The following TTC21A variants were observed in gnomAD, a reference collection of about 807,000 sequenced individuals.
TTC21A encodes the protein tetratricopeptide repeat domain 21A, also known as tetratricopeptide repeat protein 21A.
In TTC21A, 128 loss-of-function variants were observed where a neutral mutation model predicts 156.4. The observed-to-expected ratio is 0.82, with a 90% CI of 0.71 to 0.95. TTC21A has a LOEUF of 0.95. TTC21A is among the 40% of genes least tolerant of loss of function. The probability of loss-of-function intolerance (pLI) is 0.00; values close to 1 mark genes in which losing one functional copy is unlikely to be tolerated. For synonymous variants in TTC21A, 587 were observed against 617.1 expected (o/e 0.95, Z 0.72); for missense variants, 1,435 against 1,602.3 (o/e 0.90, Z 1.78).
At position 39,137,724 on chromosome 3, in the gene TTC21A, C is replaced by T. The variant is rs181250203; in HGVS notation, c.3675+14C>T. 1.6e-5 allele frequency: 26 copies of T among 1,606,156 alleles called. No individual in the cohort carries two copies. Among genetic ancestry groups the T allele is most frequent in the Middle Eastern group, 3.3e-4 (2 of 6,048 alleles). On this transcript the variant is annotated intron_variant, in intron 26 of 28. Transcript: ENST00000683103. ...CAATACAACAAGGCAAGGAGCCACA[C>T]ACACACTAGGGCTGCGGGATGGCGG... is the stretch of plus-strand genomic sequence containing the variant.
At chr3:39,133,006 A>T in intron 19 of TTC21A, 46 bp from the exon 20 acceptor site, 2 of 1,595,550 alleles carry the variant, frequency 1.3e-6, no homozygotes, top group Non-Finnish European at 1.7e-6. Context: ...GTGAACTGGT[A>T]TGTCAGGCTC....
At chr3:39,112,402 T>G in intron 4 of TTC21A, 56 bp from the exon 5 acceptor site, 4 of 1,589,746 alleles carry the variant, frequency 2.5e-6, no homozygotes, top group Non-Finnish European at 3.5e-6. Context: ...ATGTGCAGGC[T>G]GAGTTGATTC....
rs2037473004 is a variant in TTC21A, at chr3:39,118,422, C to T, written c.801+269C>T. 4 of 534,524 alleles carry T rather than the reference C, an allele frequency of 7.5e-6. No homozygotes were observed. The South Asian group carries it at 1.1e-4, about 14-fold the overall frequency. The allele number at this position is 534,524 out of a possible 1,614,324, so 33.1% of individuals were successfully genotyped here. A position where few individuals can be genotyped will look rare whatever the true frequency, so the allele number is the denominator to read the frequency against. On this transcript the variant is annotated intron_variant, in intron 7 of 28. Coordinates refer to ENST00000683103, the MANE Select transcript of TTC21A (RefSeq NM_001366900.1). ...CTGTGGAAGCCTGGGCAGGTGTCCC[C>T]ACCTGGATAAGCCGCAGGCTTCCTG...
At chr3:39,124,742 G>C (rs2038078395) in intron 9 of TTC21A, among the ~76,000 whole-genome samples, 1 of 151,168 alleles carries the variant, frequency 6.6e-6, no homozygotes, top group Non-Finnish European at 1.5e-5. Context: ...AAACCCATTG[G>C]TATGCTCATG....
rs567563700 is a variant in TTC21A at position 39,136,309 on chromosome 3, A to G, written c.2945-48A>G. 8.2e-6 allele frequency: 13 copies of G among 1,578,890 alleles called. No individual in the cohort carries two copies. The South Asian group carries it at 1.5e-4, about 19-fold the overall frequency. ...TAGGGCCCCAGCACCCTCATCTGAT[A>G]ACAGCTACTGGGCATTTCAGCCTGG... On this transcript the variant is annotated intron_variant, in intron 22 of 28. Transcript: ENST00000683103.
At chr3:39,119,789 TG>T (rs1407733660) in intron 7 of TTC21A, 132 bp from the exon 8 acceptor site, 3 of 664,956 alleles carry the variant, frequency 4.5e-6, no homozygotes, top group Middle Eastern at 3.0e-4. Flanking sequence ...TCTGAATTTC[TG>T]GGGGGTTGTG....
rs376417415 is a variant in TTC21A at position 39,136,971 on chromosome 3, C to T, written c.3168C>T (p.Ser1056=). The T allele has an allele frequency of 5.0e-6, 8 of 1,614,110 alleles. No homozygotes were observed. The highest frequency in any genetic ancestry group is 1.1e-5 in the South Asian group (1 of 91,094). Residue 1056 remains serine, a synonymous_variant, in exon 24 of 29, where the codon AGC becomes AGT. Transcript: ENST00000683103. The stretch of plus-strand genomic sequence containing the variant: ...GCAAGGACAGCACTTGGGGCCAGAG[C>T]GCCATCTACCACATGGTGCAGATCT... ...KARKDSTWGQ[S]AIYHMVQICL... is the part of the protein sequence containing the mutation.
chr3:39,109,998 G>A, intron 2 of TTC21A, 31 bp from the exon 3 acceptor site: 1 of 1,527,530 alleles, frequency 6.5e-7, no homozygotes, highest in Non-Finnish European at 9.1e-7. Context: ...CCTGGAGCTT[G>A]AGAGTATAAC....
At chr3:39,135,213 C>T in intron 22 of TTC21A, 39 bp downstream of exon 22, 1 of 1,561,530 alleles carries the variant, frequency 6.4e-7, no homozygotes, top group East Asian at 2.2e-5. Flanking sequence ...CCAGTTCCCA[C>T]TGAGCAAGGG....
rs202013731 is a variant in TTC21A, at chr3:39,121,106, T to C, written c.1010T>C (p.Ile337Thr). The stretch of plus-strand genomic sequence containing the variant: ...GCCACAGAACTGGGCTATCTCTTCA[T>C]CCTGAAGAACCAAGTGAAAGAGGCC... ...HVATELGYLF[I>T]LKNQVKEALL... Residue 337 changes from isoleucine to threonine, a missense_variant, in exon 9 of 29, where the codon ATC (isoleucine) becomes ACC (threonine). Physicochemically the swap from Ile to Thr is moderately conservative, Grantham distance 89 (BLOSUM62 -1). Coordinates refer to ENST00000683103, the MANE Select transcript of TTC21A (RefSeq NM_001366900.1). 77 of 1,613,988 alleles carry C rather than the reference T, an allele frequency of 4.8e-5. No individual in the cohort carries two copies. Among genetic ancestry groups the C allele is most frequent in the Non-Finnish European group, 5.6e-5 (66 of 1,180,010 alleles).
At chr3:39,120,295 C>G (rs983261585) in intron 8 of TTC21A, among the ~76,000 whole-genome samples, 1 of 152,140 alleles carries the variant, frequency 6.6e-6, no homozygotes, top group Non-Finnish European at 1.5e-5. Context: ...TGGGCTGTGC[C>G]TTATTTGGGG....
chr3:39,110,956 G>T lies in TTC21A; in HGVS notation c.374G>T (p.Arg125Leu), dbSNP rs201228284. 2 of 1,613,794 alleles carry T rather than the reference G, an allele frequency of 1.2e-6. No homozygotes were observed. Among genetic ancestry groups the T allele is most frequent in the African/African-American group, 1.3e-5 (1 of 74,916 alleles). The change falls in exon 4 of 29, where the codon CGC (arginine) becomes CTC (leucine). Residue 125 changes from arginine to leucine, a missense_variant. Transcript: ENST00000683103. ...GGCCTTTTCCTCTGGCTCATAGGCCGCCATGACAAGGCCAAAGAGTACATT... is the reference window on the plus strand; with the variant it reads ...GGCCTTTTCCTCTGGCTCATAGGCCTCCATGACAAGGCCAAAGAGTACATT... The part of the protein sequence containing the change: ...YAGLFLWLIG[R>L]HDKAKEYIDR...
intron 26 of TTC21A, among the ~76,000 whole-genome samples, chr3:39,137,998 TGCAGGTCAGA>T (rs776052185): frequency 6.6e-6 from 1 of 152,092 alleles, no homozygotes; most frequent in Non-Finnish European, 1.5e-5. Flanking sequence ...GAGGGACTTT[TGCAGGTCAGA>T]GCAGGCCAGG....
rs1473056219 is a variant in TTC21A at position 39,134,647 on chromosome 3, C to G, written c.2862+319C>G. ...GGTTCCTGGGGCTTCAGGAAAAGCC[C>G]TCCTCGGTCCTGCCTCTCTCTTCCC... On this transcript the variant is annotated intron_variant, in intron 21 of 28. Coordinates refer to ENST00000683103, the MANE Select transcript of TTC21A (RefSeq NM_001366900.1). The surrounding 1 kb of genome is among the most constrained non-coding windows in gnomAD (Gnocchi z 4.6). The G allele has an allele frequency of 2.0e-6, 1 of 494,034 alleles. No homozygotes were observed. The highest frequency in any genetic ancestry group is 3.7e-6 in the Non-Finnish European group (1 of 268,888). The allele number at this position is 494,034 out of a possible 1,614,324, so 30.6% of individuals were successfully genotyped here. A position where few individuals can be genotyped will look rare whatever the true frequency, so the allele number is the denominator to read the frequency against.
At chr3:39,108,957 C>A in intron 1 of TTC21A, 128 bp from the exon 2 acceptor site, 1 of 1,083,964 alleles carries the variant, frequency 9.2e-7, no homozygotes. Context: ...AATGTTTCCT[C>A]TTTCTCTTCC....
chr3:39,126,368 G>A lies in TTC21A; in HGVS notation c.1500G>A (p.Met500Ile). ...CTCTGATCGACCCCCTGTATTTGAT[G>A]GCTCAGGTCAGGTATTACTCAGGTG... The part of the protein sequence containing the change: ...APALIDPLYL[M>I]AQVRYYSGEL... The change falls in exon 12 of 29, where the codon ATG becomes ATA. Residue 500 changes from methionine (M) to isoleucine (I), a missense_variant. Physicochemically the swap from Met to Ile is conservative, Grantham distance 10. Coordinates refer to ENST00000683103, the MANE Select transcript of TTC21A (RefSeq NM_001366900.1). 1 of 1,613,928 alleles carries A rather than the reference G, an allele frequency of 6.2e-7. No individual in the cohort carries two copies. The highest frequency in any genetic ancestry group is 8.5e-7 in the Non-Finnish European group (1 of 1,179,970).
rs765910522 is a variant in TTC21A, at chr3:39,112,463, T to C, written c.441T>C (p.Tyr147=). The part of the protein sequence containing the change: ...LKISRGFREA[Y]VLRGWVDLTS... ...TCATCTTGTTCTCATCCCAGGCCTA[T>C]GTGCTCAGAGGCTGGGTGGACCTGA... The change falls in exon 5 of 29, where the codon TAT becomes TAC. Residue 147 remains tyrosine (Y), a synonymous_variant. Coordinates refer to ENST00000683103, the MANE Select transcript of TTC21A (RefSeq NM_001366900.1). 1.2e-6 allele frequency: 2 copies of C among 1,614,174 alleles called. No homozygotes were observed. The highest frequency in any genetic ancestry group is 1.7e-6 in the Non-Finnish European group (2 of 1,180,026).
rs1332473212 is a variant in TTC21A at position 39,111,062 on chromosome 3, C to T, written c.435+45C>T. The stretch of plus-strand genomic sequence containing the variant: ...GACAACAGGCGAAGAAAGCAGCATC[C>T]AAACACATAATAGCAGGGTGGCCCT... On this transcript the variant is annotated intron_variant, in intron 4 of 28. Coordinates refer to ENST00000683103, the MANE Select transcript of TTC21A (RefSeq NM_001366900.1). The T allele has an allele frequency of 5.7e-6, 9 of 1,565,836 alleles. No homozygotes were observed. The East Asian group carries it at 9.1e-5, about 16-fold the overall frequency.
chr3:39,114,219 A>AATGGGAAATGAATGGAAAATGT (rs1443919822), intron 5 of TTC21A, among the ~76,000 whole-genome samples: 2 of 152,230 alleles, frequency 1.3e-5, no homozygotes, highest in Non-Finnish European at 2.9e-5. Context: ...TGGAAAAGTG[A>AATGGGAAATGAATGGAAAATGT]ATGGGAAATG....
Sources: gnomAD v4.1 joint callset for allele counts (sites outside exome capture counted in the v4.1 genomes callset) on GRCh38, gnomAD v4.1.1 for gene constraint, Gnocchi (gnomAD v3.1) non-coding constraint, MANE v1.5 for transcripts, NCBI Gene and HGNC (gene_info 2026-07-23, HGNC 2026-07-21) for gene names.